The following DDHD1 variants were observed in gnomAD, a reference collection of about 807,000 sequenced individuals.
DDHD1 encodes the protein DDHD domain containing 1, also known as phospholipase DDHD1.
Under a neutral mutation model 96.4 loss-of-function variants are expected in DDHD1, and 49 were observed. The observed-to-expected ratio is 0.51, with a 90% CI of 0.40 to 0.64. The LOEUF (loss-of-function observed/expected upper bound fraction) is 0.64. DDHD1 is among the 30% of genes least tolerant of loss of function. The probability of loss-of-function intolerance (pLI) is 0.00; values close to 1 mark genes in which losing one functional copy is unlikely to be tolerated. For synonymous variants in DDHD1, 442 were observed against 446.5 expected (o/e 0.99, Z 0.13); for missense variants, 1,106 against 1,161.2 (o/e 0.95, Z 0.69).
In DDHD1 at chr14:53,044,150, T is replaced by C. The variant is rs1007601027; in HGVS notation, c.*2618A>G. The C allele has an allele frequency of 2.6e-5, 4 of 152,142 alleles. No individual in the cohort carries two copies. Among genetic ancestry groups the C allele is most frequent in the Admixed American group, 6.5e-5 (1 of 15,272 alleles). 9.4% of individuals were successfully genotyped at this position (152,142 alleles called of 1,614,324 possible). On this transcript the variant is annotated 3_prime_UTR_variant, in exon 13 of 13. Transcript: ENST00000673822. ...CATCCAATGTTAACATGCACAGACA[T>C]AGAAACAAGGATACTACAAAACCGA...
rs1217990426 is a variant in DDHD1, at chr14:53,122,905, G to C, written c.839-19049C>G. ...GTTATACTCTCTCTGTTGAAATTAA[G>C]AGTGGTTTCTGTCTCCTGATTAAAA... On this transcript the variant is annotated intron_variant, in intron 1 of 12. Coordinates refer to ENST00000673822, the MANE Select transcript of DDHD1 (RefSeq NM_001160148.2). Among the ~76,000 whole-genome samples, 6 of 151,714 alleles carry C rather than the reference G, an allele frequency of 4.0e-5. No homozygotes were observed. In the East Asian group the frequency reaches 9.7e-4, roughly 24 times the overall value.
chr14:53,096,567 C>T (rs547246929), intron 2 of DDHD1, among the ~76,000 whole-genome samples: 1 of 152,074 alleles, frequency 6.6e-6, no homozygotes, highest in South Asian at 2.1e-4. Context: ...AGGTTATTTA[C>T]TCTCACCAAA....
chr14:53,046,696 G>GT lies in DDHD1; in HGVS notation c.*71dup, dbSNP rs1296074203. 2 of 1,031,034 alleles carry GT rather than the reference G, an allele frequency of 1.9e-6. No homozygotes were observed. The highest frequency in any genetic ancestry group is 3.3e-5 in the African/African-American group (2 of 59,890). 63.9% of individuals were successfully genotyped at this position (1,031,034 alleles called of 1,614,324 possible). A position where few individuals can be genotyped will look rare whatever the true frequency, so the allele number is the denominator to read the frequency against. On this transcript the variant is annotated 3_prime_UTR_variant, in exon 13 of 13. Coordinates refer to ENST00000673822, the MANE Select transcript of DDHD1 (RefSeq NM_001160148.2). ...AATATACTTTAACCCTGAAATCTCC[G>GT]TATCTTGACACACACATTTTAACGG...
intron 6 of DDHD1, among the ~76,000 whole-genome samples, chr14:53,063,493 A>AG (rs1169012168): frequency 1.3e-5 from 2 of 152,024 alleles, no homozygotes; most frequent in African/African-American, 4.8e-5. Flanking sequence ...TAAAAAAAAA[A>AG]AAAACCAAAG....
chr14:53,082,550 G>A (rs1194648255), intron 4 of DDHD1, among the ~76,000 whole-genome samples: 2 of 151,252 alleles, frequency 1.3e-5, no homozygotes, highest in Admixed American at 1.3e-4. Flanking sequence ...CCTGAGGTCA[G>A]GAGTTCGAGA....
chr14:53,061,046 T>C, intron 8 of DDHD1, 80 bp downstream of exon 8: 1 of 1,243,904 alleles, frequency 8.0e-7, no homozygotes, highest in Non-Finnish European at 1.1e-6. Flanking sequence ...AACTTTCATT[T>C]GAATCCTAAA....
At position 53,096,427 on chromosome 14, in the gene DDHD1, AAAT is replaced by A. The variant is rs138523122; in HGVS notation, c.1013-2986_1013-2984del. ...CTGCTGTTACTGAAAGAAAAAAGGC[AAAT>A]AATATCTAAATTTATTAAAAACAAC... On this transcript the variant is annotated intron_variant, in intron 2 of 12. Coordinates refer to ENST00000673822, the MANE Select transcript of DDHD1 (RefSeq NM_001160148.2). Among the ~76,000 whole-genome samples the A allele has an allele frequency of 8.0e-4, 121 of 152,192 alleles. 5 individuals carry two copies. The East Asian group carries it at 0.017, about 21-fold the overall frequency.
chr14:53,150,593 A>T (rs1891275739), intron 1 of DDHD1, among the ~76,000 whole-genome samples: 1 of 152,218 alleles, frequency 6.6e-6, no homozygotes, highest in Non-Finnish European at 1.5e-5. Flanking sequence ...AGTTTAATCT[A>T]AGGGTAAGAT....
At chr14:53,065,243 A>G (rs1353015854) in intron 6 of DDHD1, among the ~76,000 whole-genome samples, 1 of 152,230 alleles carries the variant, frequency 6.6e-6, no homozygotes, top group African/African-American at 2.4e-5. Flanking sequence ...CCAAATACAC[A>G]AAATATGGCT....
At chr14:53,122,486 T>C (rs1213434167) in intron 1 of DDHD1, among the ~76,000 whole-genome samples, 1 of 152,174 alleles carries the variant, frequency 6.6e-6, no homozygotes, top group Non-Finnish European at 1.5e-5. Flanking sequence ...GGGTGCTCTA[T>C]CTCAGTTCCA....
At chr14:53,131,838 G>A (rs568835278) in intron 1 of DDHD1, among the ~76,000 whole-genome samples, 24 of 151,922 alleles carry the variant, frequency 1.6e-4, no homozygotes, top group South Asian at 6.2e-4. Flanking sequence ...AAAGGACATC[G>A]CACATCCCCC....
chr14:53,124,832 AG>A (rs2139814313), intron 1 of DDHD1, among the ~76,000 whole-genome samples: 1 of 152,342 alleles, frequency 6.6e-6, no homozygotes, highest in East Asian at 1.9e-4. Context: ...CTTAAACAAC[AG>A]TAATTTATTA....
chr14:53,123,983 G>A (rs1398238236), intron 1 of DDHD1, among the ~76,000 whole-genome samples: 1 of 152,048 alleles, frequency 6.6e-6, no homozygotes, highest in Non-Finnish European at 1.5e-5. Context: ...TGTAATCCCA[G>A]CACTTTAGGA....
At chr14:53,062,732 TA>T (rs948667896) in intron 7 of DDHD1, among the ~76,000 whole-genome samples, 1 of 152,112 alleles carries the variant, frequency 6.6e-6, no homozygotes, top group Non-Finnish European at 1.5e-5. Context: ...ACAAGGAGAA[TA>T]ACAAAAGAAT....
In DDHD1 at chr14:53,041,736, C is replaced by T. The variant is rs763504325; in HGVS notation, c.*5032G>A. 2.6e-5 allele frequency: 4 copies of T among 151,982 alleles called. No individual in the cohort carries two copies. Among genetic ancestry groups the T allele is most frequent in the Non-Finnish European group, 4.4e-5 (3 of 68,000 alleles). The allele number at this position is 151,982 out of a possible 1,614,324, so 9.4% of individuals were successfully genotyped here. A position where few individuals can be genotyped will look rare whatever the true frequency, so the allele number is the denominator to read the frequency against. Reference sequence around the variant, plus strand: ...GGGTATTTTGAATCTGAGGCATAAACGGAAGTCTGTCCAGACCTGATAGGG... The same window carrying T: ...GGGTATTTTGAATCTGAGGCATAAATGGAAGTCTGTCCAGACCTGATAGGG... On this transcript the variant is annotated 3_prime_UTR_variant, in exon 13 of 13. Transcript: ENST00000673822.
chr14:53,094,405 C>G (rs1886697731), intron 2 of DDHD1, among the ~76,000 whole-genome samples: 1 of 152,078 alleles, frequency 6.6e-6, no homozygotes, highest in South Asian at 2.1e-4. Flanking sequence ...CCATGATGTT[C>G]AAATCAGTAT....
intron 2 of DDHD1, among the ~76,000 whole-genome samples, chr14:53,095,950 T>C (rs185968153): frequency 6.6e-6 from 1 of 152,132 alleles, no homozygotes; most frequent in Non-Finnish European, 1.5e-5. Flanking sequence ...GTTACTGGAC[T>C]ATACACACTG....
chr14:53,055,029 T>C (rs1882920673), intron 10 of DDHD1, among the ~76,000 whole-genome samples: 1 of 152,220 alleles, frequency 6.6e-6, no homozygotes, highest in South Asian at 2.1e-4. Flanking sequence ...CAATAAACAA[T>C]GTATTAACAT....
chr14:53,095,327 G>C (rs1222122439), intron 2 of DDHD1, among the ~76,000 whole-genome samples: 1 of 152,104 alleles, frequency 6.6e-6, no homozygotes, highest in Non-Finnish European at 1.5e-5. Context: ...CACAGAGTTA[G>C]CTACTGGCAG....
Sources: gnomAD v4.1 joint callset for allele counts (sites outside exome capture counted in the v4.1 genomes callset) on GRCh38, gnomAD v4.1.1 for gene constraint, MANE v1.5 for transcripts, NCBI Gene and HGNC (gene_info 2026-07-23, HGNC 2026-07-21) for gene names.